CXorf58: variants seen among roughly 807,000 people sequenced by gnomAD.
CXorf58 encodes uncharacterized protein CXorf58.
A neutral mutation model predicts 26.0 loss-of-function variants in CXorf58; 24 were observed. The observed-to-expected ratio is 0.92, with a 90% CI of 0.67 to 1.30. The LOEUF (loss-of-function observed/expected upper bound fraction) is 1.30, where lower values mean the gene tolerates loss of function less well. CXorf58 is among the 50% of genes most tolerant of loss of function. The probability of loss-of-function intolerance (pLI) is 0.00; values close to 1 mark genes in which losing one functional copy is unlikely to be tolerated. For missense variants in CXorf58, 236 were observed against 263.9 expected, an observed-to-expected ratio of 0.89 and a Z score of 0.73; for synonymous variants, 87 against 86.1, an observed-to-expected ratio of 1.01 and a Z score of -0.06.
chrX:23,935,469 C>G (rs779082537), intron 7 of CXorf58, 44 bp downstream of exon 7: 3 of 940,597 alleles, frequency 3.2e-6, no homozygotes. Flanking sequence ...AGGGGCATAT[C>G]TGAAAATGTT....
chrX:23,909,011 C>CA (rs1204812495), intron 1 of CXorf58, among the ~76,000 whole-genome samples: 1 of 111,663 alleles, frequency 9.0e-6, no homozygotes, highest in African/African-American at 3.3e-5. Flanking sequence ...CACCAAGGCC[C>CA]AGCTGTGACT....
intron 3 of CXorf58, 45 bp downstream of exon 3, chrX:23,911,901 A>G (rs1927590378): frequency 1.3e-5 from 12 of 890,282 alleles, no homozygotes; most frequent in Non-Finnish European, 1.6e-5. Flanking sequence ...TTAATTATCA[A>G]GCTAAAAGAT....
In CXorf58 at chrX:23,927,345, T is replaced by A; in HGVS notation, c.530T>A (p.Val177Asp). ...TCCAAAGTAACTGATATAATGGATG[T>A]TGTCACCATGCAAGATTATGTACAA... Reference protein sequence around the residue: ...PKSKVTDIMDVVTMQDYVQYR... With the variant: ...PKSKVTDIMDDVTMQDYVQYR... Residue 177 changes from valine to aspartate, a missense_variant, in exon 6 of 9, where the codon GTT becomes GAT. By Grantham distance (152) the Val-to-Asp change is radical. Transcript: ENST00000379211. 8.5e-7 allele frequency: 1 copy of A among 1,177,884 alleles called. No homozygotes were observed. Among genetic ancestry groups the A allele is most frequent in the Non-Finnish European group, 1.1e-6 (1 of 876,043 alleles).
At chrX:23,928,874 C>T (rs1295148439) in intron 6 of CXorf58, among the ~76,000 whole-genome samples, 2 of 111,208 alleles carry the variant, frequency 1.8e-5, no homozygotes, top group South Asian at 3.8e-4. Context: ...TCTAAGTGTT[C>T]GAGTGAAAGA....
At chrX:23,911,220 G>A (rs1329941684) in intron 2 of CXorf58, among the ~76,000 whole-genome samples, 1 of 111,141 alleles carries the variant, frequency 9.0e-6, no homozygotes, top group Non-Finnish European at 1.9e-5. Context: ...CCAGTGCTGG[G>A]ATATGATCAA....
intron 1 of CXorf58, among the ~76,000 whole-genome samples, 180 bp downstream of exon 1, chrX:23,908,509 G>T (rs1927477614): frequency 8.9e-6 from 1 of 111,950 alleles, no homozygotes; most frequent in South Asian, 3.7e-4. Flanking sequence ...ACGGAAGTAG[G>T]TGGGCATGAT....
chrX:23,920,917 A>G (rs1004080589), intron 5 of CXorf58, among the ~76,000 whole-genome samples: 1 of 110,102 alleles, frequency 9.1e-6, no homozygotes, highest in African/African-American at 3.3e-5. Flanking sequence ...CACCTAGAAA[A>G]TGAGCTACAT....
intron 6 of CXorf58, among the ~76,000 whole-genome samples, chrX:23,927,604 T>C (rs1928048129): frequency 9.0e-6 from 1 of 111,349 alleles, no homozygotes; most frequent in Admixed American, 9.6e-5. Flanking sequence ...TAACTTTTAT[T>C]TTAAGTTCAG....
chrX:23,909,695 T>G (rs762389171), intron 1 of CXorf58, among the ~76,000 whole-genome samples: 115 of 111,370 alleles, frequency 1.0e-3, no homozygotes, highest in African/African-American at 3.6e-3. Flanking sequence ...TGCATCCAAA[T>G]TGGAGCATTA....
intron 7 of CXorf58, among the ~76,000 whole-genome samples, chrX:23,938,188 G>A (rs911160594): frequency 6.3e-5 from 7 of 111,308 alleles, no homozygotes; most frequent in African/African-American, 2.3e-4. Flanking sequence ...GCGCCTGGAC[G>A]AAATGTAATA....
intron 7 of CXorf58, among the ~76,000 whole-genome samples, chrX:23,938,200 T>C (rs1164250525): frequency 9.0e-6 from 1 of 111,666 alleles, no homozygotes; most frequent in Non-Finnish European, 1.9e-5. Flanking sequence ...AATGTAATAC[T>C]TTTTTGTGTT....
chrX:23,921,732 C>T (rs1489179127), intron 5 of CXorf58, among the ~76,000 whole-genome samples: 1 of 110,682 alleles, frequency 9.0e-6, no homozygotes, highest in Non-Finnish European at 1.9e-5. Flanking sequence ...AATCTGTTGC[C>T]AAAGCTGGAG....
At position 23,911,810 on chromosome X, in the gene CXorf58, C is replaced by T. The variant is rs151084387; in HGVS notation, c.170C>T (p.Thr57Ile). 4 of 1,204,353 alleles carry T rather than the reference C, an allele frequency of 3.3e-6. No individual in the cohort carries two copies. Among genetic ancestry groups the T allele is most frequent in the East Asian group, 3.0e-5 (1 of 33,751 alleles). ...ATACAGAGGGCTTGGTTATCTCATA[C>T]AAACAAAATGATATTTCGACTCCTA... ...QIIQRAWLSH[T>I]NKMIFRLLKH... The change falls in exon 3 of 9, where the codon ACA becomes ATA. Residue 57 changes from threonine (T) to isoleucine (I), a missense_variant. Transcript: ENST00000379211.
chrX:23,935,497 C>A, intron 7 of CXorf58, 72 bp downstream of exon 7: 1 of 769,177 alleles, frequency 1.3e-6, no homozygotes, highest in Non-Finnish European at 1.9e-6. Flanking sequence ...TGCCAGATAG[C>A]TCACTAAAGA....
intron 3 of CXorf58, among the ~76,000 whole-genome samples, chrX:23,914,412 T>C (rs1261537907): frequency 8.9e-6 from 1 of 111,984 alleles, no homozygotes; most frequent in Non-Finnish European, 1.9e-5. Flanking sequence ...TACATTTTTA[T>C]GTGATTATCA....
chrX:23,922,305 C>T (rs1378202790), intron 5 of CXorf58, among the ~76,000 whole-genome samples: 1 of 110,789 alleles, frequency 9.0e-6, no homozygotes, highest in African/African-American at 3.3e-5. Context: ...ACCCAGGAGG[C>T]GGAGGTTGCA....
chrX:23,927,201 C>T, intron 5 of CXorf58, 38 bp from the exon 6 acceptor site: 1 of 990,990 alleles, frequency 1.0e-6, no homozygotes, highest in East Asian at 3.4e-5. Context: ...TAATGCTATT[C>T]TACTATTTTT....
chrX:23,915,732 A>G lies in CXorf58; in HGVS notation c.249A>G (p.Lys83=). 10 of 1,196,212 alleles carry G rather than the reference A, an allele frequency of 8.4e-6. No individual in the cohort carries two copies. The highest frequency in any genetic ancestry group is 1.1e-5 in the Non-Finnish European group (10 of 881,690). The change falls in exon 4 of 9, where the codon AAA becomes AAG. Residue 83 remains lysine (K), a synonymous_variant. Coordinates refer to ENST00000379211, the MANE Select transcript of CXorf58 (RefSeq NM_152761.3). ...EFYVTHEILK[K]VAPLEAKLIK... ...ATGTAACACATGAAATACTGAAGAA[A>G]GTGGCCCCCTTAGAGGCTAAGCTTA... is the stretch of plus-strand genomic sequence containing the variant.
chrX:23,926,819 A>T (rs1469130788), intron 5 of CXorf58, among the ~76,000 whole-genome samples: 2 of 111,849 alleles, frequency 1.8e-5, no homozygotes, highest in African/African-American at 6.5e-5. Flanking sequence ...GGAGATCGAG[A>T]CCATCCTGGC....
Sources: gnomAD v4.1 joint callset for allele counts (sites outside exome capture counted in the v4.1 genomes callset) on GRCh38, gnomAD v4.1.1 for gene constraint, MANE v1.5 for transcripts, NCBI Gene and HGNC (gene_info 2026-07-23, HGNC 2026-07-21) for gene names.